SULT1A1: variants seen among roughly 807,000 people sequenced by gnomAD.
SULT1A1 encodes the protein sulfotransferase family 1A member 1.
SULT1A1 carries 35 observed loss-of-function variants against 36.8 expected under a neutral mutation model. The ratio of observed to expected loss-of-function variants is 0.95; its 90% CI spans 0.73 to 1.26. The LOEUF (loss-of-function observed/expected upper bound fraction) is 1.26. SULT1A1 is among the 50% of genes most tolerant of loss of function. The pLI, the probability that SULT1A1 is intolerant of heterozygous loss-of-function variation, is 0.00. For missense variants in SULT1A1, 309 were observed against 383.0 expected, an observed-to-expected ratio of 0.81 and a Z score of 1.61; for synonymous variants, 119 against 146.0, an observed-to-expected ratio of 0.82 and a Z score of 1.33.
intron 2 of SULT1A1, among the ~76,000 whole-genome samples, chr16:28,619,769 C>T (rs1448127577): frequency 1.2e-5 from 1 of 82,526 alleles, no homozygotes; most frequent in African/African-American, 4.4e-5. Context: ...TATATAGACA[C>T]ACACACACAC....
chr16:28,608,198 G>A (rs2047294009), intron 4 of SULT1A1, 93 bp downstream of exon 4: 8 of 1,528,010 alleles, frequency 5.2e-6, no homozygotes, highest in Admixed American at 3.6e-5. Context: ...TGTTGCTCAG[G>A]GTGCTCTCAA....
At chr16:28,622,276 G>A (rs984189253) in intron 1 of SULT1A1, among the ~76,000 whole-genome samples, 7 of 151,972 alleles carry the variant, frequency 4.6e-5, no homozygotes, top group East Asian at 1.9e-4. Flanking sequence ...ATCAAAACCC[G>A]CCTCTTGGTG....
At chr16:28,615,696 G>A (rs982581968) in intron 2 of SULT1A1, among the ~76,000 whole-genome samples, 1 of 152,212 alleles carries the variant, frequency 6.6e-6, no homozygotes, top group African/African-American at 2.4e-5. Flanking sequence ...TAGTGGCCCC[G>A]AACGTCGGGC....
upstream of SULT1A1, chr16:28,610,143 C>T (rs1257726917): frequency 7.8e-7 from 1 of 1,285,616 alleles, no homozygotes; most frequent in Non-Finnish European, 1.0e-6. Context: ...CCTTAGTGTG[C>T]CAGCTGGAGA....
rs1309391804 is a variant in SULT1A1 at position 28,607,202 on chromosome 16, C to G, written c.373-125G>C. Reference sequence around the variant, plus strand: ...GGCTGACTTGTTTGAGATCTCACGGCACCGGTAGGGCCAAGTCAGGAGCTG... The same window carrying G: ...GGCTGACTTGTTTGAGATCTCACGGGACCGGTAGGGCCAAGTCAGGAGCTG... On this transcript the variant is annotated intron_variant, in intron 4 of 7. Coordinates refer to ENST00000314752, the MANE Select transcript of SULT1A1 (RefSeq NM_001055.4). 3 of 1,519,452 alleles carry G rather than the reference C, an allele frequency of 2.0e-6. No individual in the cohort carries two copies. In the African/African-American group the frequency reaches 4.1e-5, roughly 21 times the overall value. 94.1% of individuals were successfully genotyped at this position (1,519,452 alleles called of 1,614,324 possible). A position where few individuals can be genotyped will look rare whatever the true frequency, so the allele number is the denominator to read the frequency against.
At chr16:28,623,362 G>A (rs1001094593) in exon 1 of SULT1A1, 110 of 1,486,128 alleles carry the variant, frequency 7.4e-5, no homozygotes, top group Non-Finnish European at 9.3e-5. Flanking sequence ...GCGGAGACGA[G>A]CGAGCTACGG....
intron 2 of SULT1A1, among the ~76,000 whole-genome samples, chr16:28,618,339 CTTTTTTT>C (rs546277570): frequency 2.1e-4 from 15 of 72,414 alleles, no homozygotes; most frequent in South Asian, 1.4e-3. Context: ...ACTTCCCGCT[CTTTTTTT>C]TTTTTTTTTT....
chr16:28,616,642 C>G (rs1045191730), intron 2 of SULT1A1, among the ~76,000 whole-genome samples: 1 of 152,024 alleles, frequency 6.6e-6, no homozygotes, highest in Non-Finnish European at 1.5e-5. Context: ...AAGCTGGTCT[C>G]GAACTCCTAA....
rs1489405288 is a variant in SULT1A1 at position 28,607,020 on chromosome 16, G to GAT, written c.429_430insAT (p.His144IlefsTer40). 1 of 1,612,428 alleles carries GAT rather than the reference G, an allele frequency of 6.2e-7. No individual in the cohort carries two copies. Among genetic ancestry groups the GAT allele is most frequent in the African/African-American group, 1.3e-5 (1 of 74,864 alleles). On this transcript the variant is annotated frameshift_variant, in exon 5 of 8. Coordinates refer to ENST00000314752, the MANE Select transcript of SULT1A1 (RefSeq NM_001055.4). LOFTEE classifies it high-confidence loss of function. ...GGCTCAGGGTGCACCTTGGCCATGT[G>GAT]GTAGAAGTGGTAGTAGGAAACTGCC...
intron 1 of SULT1A1, chr16:28,609,468 C>A: frequency 3.4e-6 from 4 of 1,193,886 alleles, no homozygotes; most frequent in Non-Finnish European, 4.4e-6. Flanking sequence ...TCTGATGACT[C>A]AGCAAAAGCA....
chr16:28,618,715 C>A (rs1004745598), intron 2 of SULT1A1, among the ~76,000 whole-genome samples: 1 of 152,060 alleles, frequency 6.6e-6, no homozygotes, highest in African/African-American at 2.4e-5. Flanking sequence ...TTGTTTTGAA[C>A]CTTGGAGTAA....
intron 2 of SULT1A1, among the ~76,000 whole-genome samples, chr16:28,618,376 C>T (rs1266261045): frequency 9.4e-5 from 11 of 117,260 alleles, no homozygotes; most frequent in Admixed American, 5.8e-4. Flanking sequence ...GACAGAGTCT[C>T]GCTCTGTCGC....
upstream of SULT1A1, chr16:28,613,721 G>GGCCATC (rs1284641417): frequency 3.8e-4 from 2 of 5,258 alleles, no homozygotes; most frequent in Admixed American, 1.5e-3. Context: ...GAGGCCCGAA[G>GGCCATC]GCCATCGCCC....
At chr16:28,607,677 G>C (rs4788065) in intron 4 of SULT1A1, 52 of 44,186 alleles carry the variant, frequency 1.2e-3, no homozygotes, top group African/African-American at 3.1e-3. Flanking sequence ...AAAAAAAAAA[G>C]GACCGTGGTC....
intron 1 of SULT1A1, chr16:28,609,311 G>GC (rs2047357297): frequency 3.1e-6 from 4 of 1,281,158 alleles, no homozygotes; most frequent in Middle Eastern, 2.2e-4. Flanking sequence ...GAGCCCCTCA[G>GC]CCCCTCACAT....
intron 1 of SULT1A1, among the ~76,000 whole-genome samples, chr16:28,621,506 A>AAAAAAAAAAAAAAAAAG (rs1555485637): frequency 4.7e-5 from 2 of 42,460 alleles, no homozygotes; most frequent in African/African-American, 5.5e-5. Context: ...AAAAAAAAAA[A>AAAAAAAAAAAAAAAAAG]AAGAAGAAGA....
chr16:28,611,075 T>C (rs1250344470), upstream of SULT1A1: 2 of 152,366 alleles, frequency 1.3e-5, no homozygotes, highest in African/African-American at 4.8e-5. Flanking sequence ...TCCCCGTGAC[T>C]GGCAGGTCCT....
In SULT1A1 at chr16:28,608,505, C is replaced by A; in HGVS notation, c.247G>T (p.Glu83Ter). Reference protein sequence around the residue: ...APIFMRVPFLEFKAPGIPSGM... With the variant: ...APIFMRVPFL Reference sequence around the variant, plus strand: ...GAGGGAATCCCTGGGGCTTTGAACTCAAGGAAGGGCACCCGCATGAAGATG... The same window carrying A: ...GAGGGAATCCCTGGGGCTTTGAACTAAAGGAAGGGCACCCGCATGAAGATG... The change falls in exon 3 of 8, where the codon GAG becomes TAG. Residue 83 changes from glutamate (E) to a stop codon, truncating the protein, a stop_gained. Coordinates refer to ENST00000314752, the MANE Select transcript of SULT1A1 (RefSeq NM_001055.4). LOFTEE classifies it high-confidence loss of function. 1 of 1,612,478 alleles carries A rather than the reference C, an allele frequency of 6.2e-7. No homozygotes were observed. Among genetic ancestry groups the A allele is most frequent in the East Asian group, 2.2e-5 (1 of 44,878 alleles).
chr16:28,609,124 C>T lies in SULT1A1; in HGVS notation c.-4-265G>A, dbSNP rs1356427496. 29 of 1,420,058 alleles carry T rather than the reference C, an allele frequency of 2.0e-5. 1 individual carries two copies. Among genetic ancestry groups the T allele is most frequent in the Admixed American group, 1.7e-4 (6 of 34,970 alleles). 88.0% of individuals were successfully genotyped at this position (1,420,058 alleles called of 1,614,324 possible). Reference sequence around the variant, plus strand: ...GGGCCATGGTGCAGACCAGTGAAAGCACCCTCGTCGGGCAAGGCCCAGATG... The same window carrying T: ...GGGCCATGGTGCAGACCAGTGAAAGTACCCTCGTCGGGCAAGGCCCAGATG... On this transcript the variant is annotated intron_variant, in intron 1 of 7. Coordinates refer to ENST00000314752, the MANE Select transcript of SULT1A1 (RefSeq NM_001055.4).
Sources: gnomAD v4.1 joint callset for allele counts (sites outside exome capture counted in the v4.1 genomes callset) on GRCh38, gnomAD v4.1.1 for gene constraint, MANE v1.5 for transcripts, NCBI Gene and HGNC (gene_info 2026-07-23, HGNC 2026-07-21) for gene names.